ALDH1L2: variants seen among roughly 807,000 people sequenced by gnomAD.
ALDH1L2 encodes the protein aldehyde dehydrogenase 1 family member L2.
Under a neutral mutation model 111.0 loss-of-function variants are expected in ALDH1L2, and 91 were observed. The ratio of observed to expected loss-of-function variants is 0.82; its 90% CI spans 0.69 to 0.98. The LOEUF is 0.98. Ranked by LOEUF, ALDH1L2 falls within the 50% of genes least tolerant of loss-of-function variation. ALDH1L2 has a pLI of 0.00. For synonymous variants in ALDH1L2, 374 were observed against 392.6 expected, an observed-to-expected ratio of 0.95 and a Z score of 0.56; for missense variants, 995 against 1,126.8, an observed-to-expected ratio of 0.88 and a Z score of 1.67.
chr12:105,038,241 ATCTCTC>A lies in ALDH1L2; in HGVS notation c.2046-45_2046-40del, dbSNP rs112805543. ...AATGAGAAATGAGCATTTAGTTAACATCTCTCTCTCTCTCTCTCTCACACACACACA... is the reference window on the plus strand; with the variant it reads ...AATGAGAAATGAGCATTTAGTTAACATCTCTCTCTCTCTCACACACACACA... On this transcript the variant is annotated intron_variant, in intron 17 of 22. Transcript: ENST00000258494. 327 of 909,186 alleles carry A rather than the reference ATCTCTC, an allele frequency of 3.6e-4. 2 individuals carry two copies. The highest frequency in any genetic ancestry group is 2.9e-3 in the African/African-American group (158 of 53,882). The allele number at this position is 909,186 out of a possible 1,614,324, so 56.3% of individuals were successfully genotyped here.
chr12:105,024,138 C>A lies in ALDH1L2; in HGVS notation c.*286G>T. ...GTACTGACATCTTCAAGATGGGAAC[C>A]ATGAATAGATTTGTCTAGGTAGGGG... On this transcript the variant is annotated 3_prime_UTR_variant, in exon 23 of 23. Transcript: ENST00000258494. 1 of 503,288 alleles carries A rather than the reference C, an allele frequency of 2.0e-6. No homozygotes were observed. Among genetic ancestry groups the A allele is most frequent in the Non-Finnish European group, 3.6e-6 (1 of 280,272 alleles). The allele number at this position is 503,288 out of a possible 1,614,324, so 31.2% of individuals were successfully genotyped here.
chr12:105,046,744 G>A lies in ALDH1L2; in HGVS notation c.1829C>T (p.Ala610Val). The change falls in exon 15 of 23, where the codon GCA (alanine) becomes GTA (valine). Residue 610 changes from alanine to valine, a missense_variant. By Grantham distance (64) the Ala-to-Val change is moderately conservative (BLOSUM62 0). Transcript: ENST00000258494. ...CTTGAGCACTAAGGTATTGCCTGCTGCCAAACACGCAGCACTCTTCCATGC... is the reference window on the plus strand; with the variant it reads ...CTTGAGCACTAAGGTATTGCCTGCTACCAAACACGCAGCACTCTTCCATGC... ...MLAWKSAACL[A>V]AGNTLVLKPA... The A allele has an allele frequency of 6.2e-7, 1 of 1,614,132 alleles. No individual in the cohort carries two copies. The highest frequency in any genetic ancestry group is 8.5e-7 in the Non-Finnish European group (1 of 1,180,012).
chr12:105,075,397 C>A (rs988964273), intron 1 of ALDH1L2, among the ~76,000 whole-genome samples: 4 of 152,158 alleles, frequency 2.6e-5, no homozygotes, highest in Non-Finnish European at 5.9e-5. Flanking sequence ...CCAGCCTGAC[C>A]AACATGGAGA....
intron 6 of ALDH1L2, among the ~76,000 whole-genome samples, chr12:105,064,715 C>T (rs1877240189): frequency 6.6e-6 from 1 of 152,164 alleles, no homozygotes; most frequent in Non-Finnish European, 1.5e-5. Context: ...ATCAGGAAAC[C>T]TCCCCGAAGA....
At chr12:105,046,532 A>G (rs957236304) in intron 15 of ALDH1L2, among the ~76,000 whole-genome samples, 178 bp downstream of exon 15, 39 of 152,030 alleles carry the variant, frequency 2.6e-4, no homozygotes, top group Non-Finnish European at 2.6e-4. Flanking sequence ...ATCTCCATAC[A>G]ATGTATTAGG....
chr12:105,062,637 GC>G (rs1350682293), intron 7 of ALDH1L2, among the ~76,000 whole-genome samples: 2 of 152,156 alleles, frequency 1.3e-5, no homozygotes, highest in Non-Finnish European at 2.9e-5. Context: ...GAATCATCCT[GC>G]CCAAGACCAG....
intron 15 of ALDH1L2, among the ~76,000 whole-genome samples, chr12:105,042,086 C>T (rs542512135): frequency 5.3e-5 from 8 of 151,896 alleles, no homozygotes; most frequent in African/African-American, 1.9e-4. Flanking sequence ...ACACAACACA[C>T]ACACACACGT....
chr12:105,083,999 C>T (rs979893642), intron 1 of ALDH1L2, among the ~76,000 whole-genome samples: 2 of 152,190 alleles, frequency 1.3e-5, no homozygotes, highest in East Asian at 1.9e-4. Flanking sequence ...AGGAGACAGT[C>T]TCGGTTCCAT....
chr12:105,036,987 T>C (rs1360790958), intron 18 of ALDH1L2, among the ~76,000 whole-genome samples: 1 of 152,080 alleles, frequency 6.6e-6, no homozygotes, highest in Non-Finnish European at 1.5e-5. Context: ...CTCCATTCTC[T>C]TTGGGATGCT....
intron 1 of ALDH1L2, among the ~76,000 whole-genome samples, chr12:105,077,817 C>T (rs890531930): frequency 4.0e-5 from 6 of 151,402 alleles, no homozygotes; most frequent in Non-Finnish European, 7.4e-5. Flanking sequence ...CTGCCCTGAT[C>T]TGAAGCCCTT....
chr12:105,073,943 G>A lies in ALDH1L2; in HGVS notation c.111C>T (p.Val37=). ...GGCCCTCTTTGCGGAGGTGGCTATA[G>A]ACTTCTTGTCCAAAGAGGCTCTGGC... The part of the protein sequence containing the change: ...LIGQSLFGQE[V]YSHLRKEGHR... Residue 37 remains valine, a synonymous_variant, in exon 2 of 23, where the codon GTC becomes GTT. Transcript: ENST00000258494. The A allele has an allele frequency of 1.2e-6, 2 of 1,614,152 alleles. No individual in the cohort carries two copies. Among genetic ancestry groups the A allele is most frequent in the Non-Finnish European group, 1.7e-6 (2 of 1,180,034 alleles).
At chr12:105,036,547 TATATA>T (rs1428408405) in intron 18 of ALDH1L2, among the ~76,000 whole-genome samples, 1 of 39,434 alleles carries the variant, frequency 2.5e-5, no homozygotes, top group East Asian at 2.0e-3. Flanking sequence ...TATATATATA[TATATA>T]TATATATATA....
intron 21 of ALDH1L2, among the ~76,000 whole-genome samples, chr12:105,029,695 T>A (rs1449378597): frequency 6.6e-6 from 1 of 152,224 alleles, no homozygotes; most frequent in African/African-American, 2.4e-5. Flanking sequence ...TTATTTTTTT[T>A]TCAAGTTCTC....
intron 1 of ALDH1L2, among the ~76,000 whole-genome samples, chr12:105,083,295 A>G (rs895798068): frequency 6.6e-6 from 1 of 152,192 alleles, no homozygotes; most frequent in Non-Finnish European, 1.5e-5. Flanking sequence ...CCAGGAGAGC[A>G]GGCCAAAGTC....
rs138908674 is a variant in ALDH1L2, at chr12:105,046,933, G to C, written c.1723C>G (p.Arg575Gly). Residue 575 changes from arginine (R) to glycine (G), a missense_variant, in exon 14 of 23, where the codon CGC becomes GGC. Transcript: ENST00000258494. ...TCTTTCTTGGTGAAGGTCAGATTGC[G>C]ATTTGGACGGGCCTGGTTGATTGGA... ...TIPINQARPN[R>G]NLTFTKKEPL... 1 of 1,614,148 alleles carries C rather than the reference G, an allele frequency of 6.2e-7. No homozygotes were observed. The highest frequency in any genetic ancestry group is 1.1e-5 in the South Asian group (1 of 91,072).
chr12:105,044,030 C>A (rs1875694106), intron 15 of ALDH1L2, among the ~76,000 whole-genome samples: 1 of 152,238 alleles, frequency 6.6e-6, no homozygotes. Flanking sequence ...AAATGCATCA[C>A]TGCATAATAT....
At position 105,046,503 on chromosome 12, in the gene ALDH1L2, G is replaced by T. The variant is rs571475257; in HGVS notation, c.1863+207C>A. On this transcript the variant is annotated intron_variant, in intron 15 of 22. Coordinates refer to ENST00000258494, the MANE Select transcript of ALDH1L2 (RefSeq NM_001034173.4). The stretch of plus-strand genomic sequence containing the variant: ...GCACCATGCTTGCTTCTATTATTAT[G>T]AAAATTTTAAATTGTGGAATCTCCA... 1.1e-4 allele frequency among the ~76,000 whole-genome samples: 16 copies of T among 151,648 alleles called. No individual in the cohort carries two copies. In the South Asian group the frequency reaches 3.1e-3, roughly 29 times the overall value.
rs552642808 is a variant in ALDH1L2 at position 105,029,066 on chromosome 12, G to A, written c.2516+1258C>T. On this transcript the variant is annotated intron_variant, in intron 21 of 22. Transcript: ENST00000258494. Reference sequence around the variant, plus strand: ...TTTAGAGGCCAGGCATTGCTCTGTCGCCTAGGCTGCAGTGCAGTGGCACAA... The same window carrying A: ...TTTAGAGGCCAGGCATTGCTCTGTCACCTAGGCTGCAGTGCAGTGGCACAA... Among the ~76,000 whole-genome samples the A allele has an allele frequency of 6.2e-3, 864 of 140,294 alleles. 8 individuals are homozygous for A. Among genetic ancestry groups the A allele is most frequent in the African/African-American group, 0.021 (795 of 37,454 alleles). 92.0% of individuals were successfully genotyped at this position (140,294 alleles called of 152,430 possible).
At chr12:105,072,910 G>T (rs555268336) in intron 2 of ALDH1L2, among the ~76,000 whole-genome samples, 19 of 152,302 alleles carry the variant, frequency 1.2e-4, no homozygotes, top group Admixed American at 7.8e-4. Context: ...GGAGGTGGAG[G>T]TTGCAGTGAG....
Sources: gnomAD v4.1 joint callset for allele counts (sites outside exome capture counted in the v4.1 genomes callset) on GRCh38, gnomAD v4.1.1 for gene constraint, MANE v1.5 for transcripts, NCBI Gene and HGNC (gene_info 2026-07-23, HGNC 2026-07-21) for gene names.